Variants in LINGO2 observed in about 807,000 individuals in gnomAD.
LINGO2 encodes the protein leucine rich repeat and Ig domain containing 2.
Under a neutral mutation model 30.6 loss-of-function variants are expected in LINGO2, and 14 were observed. That is an observed-to-expected ratio of 0.46 (90% CI 0.30 to 0.72). The LOEUF (loss-of-function observed/expected upper bound fraction) is 0.72. Among genes scored for constraint, LINGO2 ranks in the 30% least tolerant of loss-of-function variants. The pLI is 0.07. For missense variants in LINGO2, 729 were observed against 751.7 expected (o/e 0.97, Z 0.35); for synonymous variants, 317 against 288.5 (o/e 1.10, Z -1.00).
chr9:28,306,253 A>T (rs1824348174), intron 3 of LINGO2, among the ~76,000 whole-genome samples: 1 of 152,138 alleles, frequency 6.6e-6, no homozygotes, highest in Admixed American at 6.6e-5. Context: ...AACTTAAAAC[A>T]TGTTTAAATA....
At chr9:28,628,589 T>C (rs1037597392) in intron 1 of LINGO2, among the ~76,000 whole-genome samples, 3 of 152,086 alleles carry the variant, frequency 2.0e-5, no homozygotes, top group Non-Finnish European at 2.9e-5. Context: ...GAGATAGGAA[T>C]TCAAAACACC....
chr9:28,313,849 T>C (rs1164302914), intron 3 of LINGO2, among the ~76,000 whole-genome samples: 1 of 152,194 alleles, frequency 6.6e-6, no homozygotes, highest in Non-Finnish European at 1.5e-5. Flanking sequence ...CTCTGAAGGG[T>C]TCTTATTTGA....
At chr9:29,155,245 C>A in the LINGO2 span, among the ~76,000 whole-genome samples, 5,264 of 152,066 alleles carry the variant, frequency 0.035, 287 homozygotes, top group African/African-American at 0.12. Flanking sequence ...GTTCTTATTC[C>A]TTGGAGCTAG....
At chr9:28,318,214 T>C (rs1298430167) in intron 3 of LINGO2, among the ~76,000 whole-genome samples, 1 of 152,210 alleles carries the variant, frequency 6.6e-6, no homozygotes, top group East Asian at 1.9e-4. Context: ...AAGGAAAGAA[T>C]TTCTTTAATT....
the LINGO2 span, among the ~76,000 whole-genome samples, chr9:28,869,742 A>C: frequency 1.3e-5 from 2 of 151,964 alleles, no homozygotes; most frequent in African/African-American, 4.8e-5. Context: ...ATAGGTCAAA[A>C]ATCAATAGGT....
At chr9:28,215,536 G>A (rs1381470586) in intron 4 of LINGO2, among the ~76,000 whole-genome samples, 1 of 151,776 alleles carries the variant, frequency 6.6e-6, no homozygotes, top group Non-Finnish European at 1.5e-5. Context: ...TTTTGAGCTG[G>A]AAGAGCAAGT....
the LINGO2 span, among the ~76,000 whole-genome samples, chr9:28,680,821 G>T: frequency 6.6e-6 from 1 of 151,962 alleles, no homozygotes; most frequent in African/African-American, 2.4e-5. Context: ...CAGGTTATTT[G>T]TTGTCCTGCT....
intron 1 of LINGO2, among the ~76,000 whole-genome samples, chr9:28,484,522 C>T (rs920947397): frequency 1.3e-5 from 2 of 152,042 alleles, no homozygotes; most frequent in Non-Finnish European, 2.9e-5. Context: ...TTCTTGAATA[C>T]AAAATGGCAG....
intron 2 of LINGO2, among the ~76,000 whole-genome samples, chr9:28,427,045 A>T (rs181673519): frequency 2.0e-5 from 3 of 152,190 alleles, no homozygotes; most frequent in Non-Finnish European, 4.4e-5. Flanking sequence ...AGAAAACCTA[A>T]TATCTGGTTT....
chr9:29,001,459 A>G, the LINGO2 span, among the ~76,000 whole-genome samples: 2 of 152,028 alleles, frequency 1.3e-5, no homozygotes, highest in Non-Finnish European at 2.9e-5. Context: ...CATAGATAAG[A>G]TCATAAAATA....
chr9:28,438,637 T>C (rs907309545), intron 2 of LINGO2, among the ~76,000 whole-genome samples: 1 of 152,104 alleles, frequency 6.6e-6, no homozygotes, highest in African/African-American at 2.4e-5. Context: ...ATATGTCCTA[T>C]TTGTTCTATT....
At chr9:28,365,537 C>T (rs562234266) in intron 3 of LINGO2, among the ~76,000 whole-genome samples, 3 of 152,176 alleles carry the variant, frequency 2.0e-5, no homozygotes, top group South Asian at 4.1e-4. Context: ...GAGGCTCCTG[C>T]AGGCCTGGGT....
the LINGO2 span, among the ~76,000 whole-genome samples, chr9:28,720,397 T>C: frequency 6.6e-6 from 1 of 152,190 alleles, no homozygotes; most frequent in South Asian, 2.1e-4. Flanking sequence ...AAAGCTTTTC[T>C]AACCTCCTTT....
intron 1 of LINGO2, among the ~76,000 whole-genome samples, chr9:28,589,727 C>A (rs1231497585): frequency 2.6e-5 from 4 of 151,782 alleles, no homozygotes; most frequent in Non-Finnish European, 5.9e-5. Context: ...CCATACTGCC[C>A]AAGGTAATTT....
At chr9:28,525,828 G>A (rs1409495234) in intron 1 of LINGO2, among the ~76,000 whole-genome samples, 1 of 152,072 alleles carries the variant, frequency 6.6e-6, no homozygotes, top group Non-Finnish European at 1.5e-5. Context: ...GGCCAAGGTG[G>A]GCGGATCACG....
chr9:28,402,421 T>C (rs896571667), intron 2 of LINGO2, among the ~76,000 whole-genome samples: 3 of 151,920 alleles, frequency 2.0e-5, no homozygotes, highest in Admixed American at 1.3e-4. Flanking sequence ...GATTAGAAAA[T>C]AAGAAATCAT....
At chr9:29,179,558 C>T in the LINGO2 span, among the ~76,000 whole-genome samples, 11 of 152,122 alleles carry the variant, frequency 7.2e-5, no homozygotes, top group African/African-American at 2.7e-4. Flanking sequence ...ATGTGTGCCA[C>T]CATGTCTGGC....
At chr9:28,995,819 A>G in the LINGO2 span, among the ~76,000 whole-genome samples, 2 of 151,870 alleles carry the variant, frequency 1.3e-5, no homozygotes, top group Admixed American at 6.6e-5. Flanking sequence ...GAATTGAACA[A>G]TGAGAACATA....
In LINGO2 at chr9:28,643,029, A is replaced by G. The variant is rs79134765; in HGVS notation, c.-365+27171T>C. 3.3e-3 allele frequency among the ~76,000 whole-genome samples: 500 copies of G among 152,262 alleles called. 3 individuals carry two copies. The highest frequency in any genetic ancestry group is 0.012 in the African/African-American group (485 of 41,576). On this transcript the variant is annotated intron_variant, in intron 1 of 5. Transcript: ENST00000379992. ...GAAAACTATAAAACACTGATGAAAG[A>G]AATTGAAGAGGACACCAAACGATAG...
Sources: allele counts gnomAD v4.1 joint callset (sites outside exome capture counted in the v4.1 genomes callset), GRCh38; gene constraint gnomAD v4.1.1; transcripts MANE v1.5; gene names NCBI Gene and HGNC (gene_info 2026-07-23, HGNC 2026-07-21).